The following TBC1D5 variants were observed in gnomAD, a reference collection of about 807,000 sequenced individuals.
TBC1D5 encodes TBC1 domain family, member 5.
A neutral mutation model predicts 100.3 loss-of-function variants in TBC1D5; 75 were observed. The observed-to-expected ratio is 0.75, with a 90% CI of 0.62 to 0.91. TBC1D5 has a LOEUF of 0.91. Ranked by LOEUF, TBC1D5 falls within the 40% of genes least tolerant of loss-of-function variation. The pLI is 0.00. For synonymous variants in TBC1D5, 323 were observed against 325.6 expected (o/e 0.99, Z 0.09); for missense variants, 910 against 942.4 (o/e 0.97, Z 0.45).
intron 13 of TBC1D5, among the ~76,000 whole-genome samples, chr3:17,325,050 T>G (rs1283268059): frequency 1.3e-5 from 2 of 151,374 alleles, no homozygotes; most frequent in Non-Finnish European, 2.9e-5. Flanking sequence ...ATAATTTTGC[T>G]GTTTCTTATA....
At chr3:17,257,352 T>A (rs540793622) in intron 16 of TBC1D5, among the ~76,000 whole-genome samples, 1 of 152,200 alleles carries the variant, frequency 6.6e-6, no homozygotes, top group East Asian at 1.9e-4. Context: ...TTGGTCTGGG[T>A]TTTTACTGGG....
chr3:17,176,633 T>C (rs2067766408), intron 19 of TBC1D5, among the ~76,000 whole-genome samples: 2 of 151,938 alleles, frequency 1.3e-5, no homozygotes, highest in South Asian at 2.1e-4. Context: ...GGGAACATCA[T>C]ACACTGGGGC....
rs148761524 is a variant in TBC1D5, at chr3:17,662,428, A to G, written c.-100-38515T>C. The stretch of plus-strand genomic sequence containing the variant: ...TATCAGCAACCAGACCAATGCTATT[A>G]AAAGTATAGTCTGATTTCACTGCCT... On this transcript the variant is annotated intron_variant, in intron 1 of 21. Transcript: ENST00000253692. Among the ~76,000 whole-genome samples the G allele has an allele frequency of 7.7e-4, 117 of 152,362 alleles. 2 individuals carry two copies. The East Asian group carries it at 0.013, about 17-fold the overall frequency.
intron 4 of TBC1D5, among the ~76,000 whole-genome samples, chr3:17,417,486 G>T (rs372641979): frequency 1.3e-5 from 2 of 151,860 alleles, no homozygotes; most frequent in African/African-American, 4.8e-5. Context: ...AATGATGATT[G>T]CCAATTTCAT....
At chr3:17,449,102 T>G (rs556055252) in intron 3 of TBC1D5, among the ~76,000 whole-genome samples, 2 of 152,220 alleles carry the variant, frequency 1.3e-5, no homozygotes, top group East Asian at 3.9e-4. Flanking sequence ...AGAAGCAGCA[T>G]GGGGCACCAC....
intron 15 of TBC1D5, among the ~76,000 whole-genome samples, chr3:17,290,606 T>C (rs2081625187): frequency 6.6e-6 from 1 of 152,192 alleles, no homozygotes; most frequent in South Asian, 2.1e-4. Context: ...CATACCTCAT[T>C]GACCAGTAAC....
chr3:17,576,639 T>C (rs985921924), intron 2 of TBC1D5: 4 of 152,054 alleles, frequency 2.6e-5, no homozygotes, highest in Admixed American at 2.0e-4. Flanking sequence ...CAATTATCTA[T>C]AAGGTATACA....
chr3:17,457,383 C>T (rs2095111691), intron 3 of TBC1D5, among the ~76,000 whole-genome samples: 1 of 151,988 alleles, frequency 6.6e-6, no homozygotes, highest in African/African-American at 2.4e-5. Flanking sequence ...TATTATTTCT[C>T]TTTGTGTTTC....
chr3:17,449,370 T>C (rs1341353264), intron 3 of TBC1D5, among the ~76,000 whole-genome samples: 5 of 152,160 alleles, frequency 3.3e-5, no homozygotes, highest in Non-Finnish European at 7.3e-5. Flanking sequence ...GCACCTGGAA[T>C]GCCAGAGAGA....
Position 17,313,686 on chromosome 3 carries a change from G to A in TBC1D5, c.996-5552C>T, listed in dbSNP as rs576999279. ...TCCTAATACATTTATACACACTGTT[G>A]GAAGAACTGACATGAGGTGTAACAC... On this transcript the variant is annotated intron_variant, in intron 13 of 21. Transcript: ENST00000253692. Among the ~76,000 whole-genome samples the A allele has an allele frequency of 2.6e-5, 4 of 152,176 alleles. No individual in the cohort carries two copies. The East Asian group carries it at 7.7e-4, about 29-fold the overall frequency.
intron 1 of TBC1D5, among the ~76,000 whole-genome samples, chr3:17,679,620 C>T (rs1457401396): frequency 6.6e-6 from 1 of 151,402 alleles, no homozygotes; most frequent in African/African-American, 2.5e-5. Flanking sequence ...TAAATATCTA[C>T]TTAGAAACAC....
intron 13 of TBC1D5, 42 bp downstream of exon 13, chr3:17,372,033 T>G: frequency 2.9e-6 from 2 of 691,330 alleles, no homozygotes; most frequent in Non-Finnish European, 4.5e-6. Context: ...GGAGACTCTG[T>G]CTCAAAAAAC....
chr3:17,684,308 T>A (rs1057204991), intron 1 of TBC1D5, among the ~76,000 whole-genome samples: 1 of 152,146 alleles, frequency 6.6e-6, no homozygotes, highest in Non-Finnish European at 1.5e-5. Flanking sequence ...AATATTCATA[T>A]ATTCAATATT....
intron 17 of TBC1D5, among the ~76,000 whole-genome samples, chr3:17,231,496 A>T (rs558496058): frequency 1.1e-4 from 16 of 152,256 alleles, no homozygotes; most frequent in South Asian, 4.1e-4. Context: ...AAATTTCATT[A>T]AAAAAAGACT....
In TBC1D5 at chr3:17,167,676, T is replaced by C. The variant is rs543797276; in HGVS notation, c.1932+73A>G. ...GGGGATGCTGGCTCTAACATCATGG[T>C]GCTCCATGCCCTGGGGGGCCCTCCC... is the stretch of plus-strand genomic sequence containing the variant. On this transcript the variant is annotated intron_variant, in intron 20 of 21. Transcript: ENST00000253692. 5 of 1,351,678 alleles carry C rather than the reference T, an allele frequency of 3.7e-6. No individual in the cohort carries two copies. In the African/African-American group the frequency reaches 5.7e-5, roughly 16 times the overall value. The allele number at this position is 1,351,678 out of a possible 1,614,324, so 83.7% of individuals were successfully genotyped here.
intron 2 of TBC1D5, among the ~76,000 whole-genome samples, chr3:17,514,960 T>C (rs2095964268): frequency 6.6e-6 from 1 of 151,216 alleles, no homozygotes; most frequent in Non-Finnish European, 1.5e-5. Context: ...ATTATTTATA[T>C]ATCCTATTTT....
At chr3:17,655,484 A>T (rs1337399078) in intron 1 of TBC1D5, among the ~76,000 whole-genome samples, 1 of 152,014 alleles carries the variant, frequency 6.6e-6, no homozygotes, top group Non-Finnish European at 1.5e-5. Flanking sequence ...AAATTAAATT[A>T]AAAAATGAAA....
chr3:17,308,877 A>T (rs2150568262), intron 13 of TBC1D5, among the ~76,000 whole-genome samples: 1 of 152,228 alleles, frequency 6.6e-6, no homozygotes, highest in African/African-American at 2.4e-5. Context: ...AATTGTACAT[A>T]ATAGTGACAC....
chr3:17,728,290 C>A (rs564131161), intron 1 of TBC1D5, among the ~76,000 whole-genome samples: 1 of 151,982 alleles, frequency 6.6e-6, no homozygotes, highest in African/African-American at 2.4e-5. Flanking sequence ...ATTAGATAAG[C>A]CAACAAAATA....
Sources: allele counts gnomAD v4.1 joint callset (sites outside exome capture counted in the v4.1 genomes callset), GRCh38; gene constraint gnomAD v4.1.1; transcripts MANE v1.5; gene names NCBI Gene and HGNC (gene_info 2026-07-23, HGNC 2026-07-21).